Variants in MAEA observed in about 807,000 individuals in gnomAD.
The protein encoded by MAEA is E3 ubiquitin-protein transferase MAEA.
In MAEA, 22 loss-of-function variants were observed where a neutral mutation model predicts 46.2. That is an observed-to-expected ratio of 0.48 (90% confidence interval 0.34 to 0.68). The LOEUF is 0.68. Ranked by LOEUF, MAEA falls within the 30% of genes least tolerant of loss-of-function variation. The pLI, the probability that MAEA is intolerant of heterozygous loss-of-function variation, is 0.01. For synonymous variants in MAEA, 246 were observed against 222.6 expected, an observed-to-expected ratio of 1.11 and a Z score of -0.94; for missense variants, 393 against 558.1, an observed-to-expected ratio of 0.70 and a Z score of 2.98.
chr4:1,301,647 G>A (rs2108875422), intron 1 of MAEA, among the ~76,000 whole-genome samples: 1 of 152,336 alleles, frequency 6.6e-6, no homozygotes, highest in East Asian at 1.9e-4. Flanking sequence ...GCTGCAGTGA[G>A]CCATGATTGT....
At chr4:1,338,159 G>A (rs955354271) in intron 7 of MAEA, 7 of 432,812 alleles carry the variant, frequency 1.6e-5, no homozygotes, top group African/African-American at 1.2e-4. Flanking sequence ...GGCGGCGGGC[G>A]ACGGAGCCAC....
intron 1 of MAEA, among the ~76,000 whole-genome samples, chr4:1,294,807 CCGGGGGCAGGGGCAGGGGCAGGGG>C (rs1734471855): frequency 2.1e-5 from 1 of 47,428 alleles, no homozygotes; most frequent in African/African-American, 7.4e-5. Context: ...GGGGGTGGGG[CCGGGGGCAGGGGCAGGGGCAGGGG>C]CGGGGGTGGG....
At chr4:1,303,082 G>A (rs1234525671) in intron 1 of MAEA, among the ~76,000 whole-genome samples, 1 of 151,796 alleles carries the variant, frequency 6.6e-6, no homozygotes, top group Non-Finnish European at 1.5e-5. Flanking sequence ...AAGACCAGTA[G>A]AAACTCTTAA....
Position 1,318,110 on chromosome 4 carries a change from G to A in MAEA, c.456+2510G>A, listed in dbSNP as rs1006683218. On this transcript the variant is annotated intron_variant, in intron 3 of 8. Transcript: ENST00000303400. ...CCCGCCTCCCTGGCCCCGTGTGCCC[G>A]GCTTCCCCCAATGCACAGGCCCTCG... Among the ~76,000 whole-genome samples the A allele has an allele frequency of 7.8e-5, 11 of 141,772 alleles. No individual in the cohort carries two copies. In the East Asian group the frequency reaches 9.9e-4, roughly 13 times the overall value. The allele number at this position is 141,772 out of a possible 152,430, so 93.0% of individuals were successfully genotyped here. A position where few individuals can be genotyped will look rare whatever the true frequency, so the allele number is the denominator to read the frequency against.
chr4:1,338,115 G>C, intron 7 of MAEA: 1 of 354,454 alleles, frequency 2.8e-6, no homozygotes, highest in Non-Finnish European at 5.2e-6. Context: ...GGTGGCTCTT[G>C]TCCTGCCTGG....
intron 3 of MAEA, among the ~76,000 whole-genome samples, chr4:1,321,469 G>C (rs1364518016): frequency 6.6e-6 from 1 of 152,206 alleles, no homozygotes; most frequent in Non-Finnish European, 1.5e-5. Flanking sequence ...TCAGAAACAA[G>C]AAATCATGAA....
intron 1 of MAEA, among the ~76,000 whole-genome samples, 186 bp downstream of exon 1, chr4:1,290,168 G>A (rs1002774630): frequency 1.3e-5 from 2 of 151,126 alleles, no homozygotes; most frequent in African/African-American, 2.4e-5. Context: ...GGGGGCGGCG[G>A]CTTTGGCCCT....
intron 1 of MAEA, among the ~76,000 whole-genome samples, chr4:1,305,862 C>G (rs930463001): frequency 2.0e-5 from 3 of 152,220 alleles, no homozygotes; most frequent in Non-Finnish European, 4.4e-5. Context: ...AAATGTAGTT[C>G]CAGTCTCAGT....
rs1331072840 is a variant in MAEA at position 1,315,211 on chromosome 4, C to T, written c.253-186C>T. ...ATCCAGGGTGGTGGATTTTCACTGCCTCCGTCTGCAGCTCTTGGGCCAGGC... is the reference window on the plus strand; with the variant it reads ...ATCCAGGGTGGTGGATTTTCACTGCTTCCGTCTGCAGCTCTTGGGCCAGGC... On this transcript the variant is annotated intron_variant, in intron 2 of 8. Coordinates refer to ENST00000303400, the MANE Select transcript of MAEA (RefSeq NM_001017405.3). Among the ~76,000 whole-genome samples the T allele has an allele frequency of 8.5e-5, 13 of 152,286 alleles. No homozygotes were observed. In the South Asian group the frequency reaches 2.5e-3, roughly 29 times the overall value.
chr4:1,300,644 C>T (rs1735226657), intron 1 of MAEA, among the ~76,000 whole-genome samples: 1 of 152,226 alleles, frequency 6.6e-6, no homozygotes, highest in African/African-American at 2.4e-5. Flanking sequence ...TGCCGCAGGT[C>T]GCATACCCTT....
intron 1 of MAEA, among the ~76,000 whole-genome samples, chr4:1,296,462 C>CCCTCA (rs367641871): frequency 1.8e-3 from 258 of 145,376 alleles, no homozygotes; most frequent in African/African-American, 6.5e-3. Context: ...GCCTGTGCCC[C>CCCTCA]CCTCACCCGT....
At chr4:1,336,783 A>G (rs1480184533) in intron 6 of MAEA, 78 bp from the exon 7 acceptor site, 1 of 1,446,824 alleles carries the variant, frequency 6.9e-7, no homozygotes, top group African/African-American at 1.4e-5. Context: ...CACCTGCTTC[A>G]CCATGGTCCA....
At chr4:1,326,466 G>A (rs570568323) in intron 4 of MAEA, among the ~76,000 whole-genome samples, 40 of 152,286 alleles carry the variant, frequency 2.6e-4, no homozygotes, top group African/African-American at 8.7e-4. Flanking sequence ...GGATGACTGC[G>A]GTCAATGTTG....
intron 3 of MAEA, among the ~76,000 whole-genome samples, chr4:1,322,047 A>G (rs1007985900): frequency 2.6e-5 from 4 of 152,034 alleles, no homozygotes; most frequent in Non-Finnish European, 4.4e-5. Context: ...TGGGGAGTGG[A>G]GACAGGGCCG....
At chr4:1,337,960 G>A (rs747822854) in intron 7 of MAEA, 3 of 172,618 alleles carry the variant, frequency 1.7e-5, no homozygotes, top group African/African-American at 4.8e-5. Context: ...TGAGTGTTTC[G>A]CGATTGCTGC....
Position 1,320,170 on chromosome 4 carries a change from C to G in MAEA, c.457-2211C>G, listed in dbSNP as rs375154280. Among the ~76,000 whole-genome samples, 83 of 93,992 alleles carry G rather than the reference C, an allele frequency of 8.8e-4. 1 individual carries two copies. In the South Asian group the frequency reaches 0.023, roughly 26 times the overall value. 61.7% of individuals were successfully genotyped at this position (93,992 alleles called of 152,430 possible). ...ATCAAAGCAAACATGCAAGAAAACA[C>G]TATGAAGGGGCTTCAGAAATCATCA... On this transcript the variant is annotated intron_variant, in intron 3 of 8. Coordinates refer to ENST00000303400, the MANE Select transcript of MAEA (RefSeq NM_001017405.3).
At chr4:1,299,808 T>C (rs1462176045) in intron 1 of MAEA, 1 of 152,294 alleles carries the variant, frequency 6.6e-6, no homozygotes, top group Admixed American at 6.5e-5. Context: ...CTTCTCTGAC[T>C]CCACTGTTGA....
chr4:1,327,068 G>T (rs1314217526), intron 4 of MAEA, among the ~76,000 whole-genome samples: 6 of 152,200 alleles, frequency 3.9e-5, no homozygotes, highest in Non-Finnish European at 8.8e-5. Flanking sequence ...GCACCAGCCA[G>T]CAGCCCCACA....
At chr4:1,310,528 A>G (rs2108902553) in intron 1 of MAEA, among the ~76,000 whole-genome samples, 1 of 152,254 alleles carries the variant, frequency 6.6e-6, no homozygotes, top group African/African-American at 2.4e-5. Context: ...GAGTTGGTTA[A>G]GCGTGTTGTG....
Sources: allele counts gnomAD v4.1 joint callset (sites outside exome capture counted in the v4.1 genomes callset), GRCh38; gene constraint gnomAD v4.1.1; transcripts MANE v1.5; gene names NCBI Gene and HGNC (gene_info 2026-07-23, HGNC 2026-07-21).